The following EPB41L4A variants were observed in gnomAD, a reference collection of about 807,000 sequenced individuals.
EPB41L4A encodes band 4.1-like protein 4A.
EPB41L4A carries 100 observed loss-of-function variants against 108.6 expected under a neutral mutation model. The ratio of observed to expected loss-of-function variants is 0.92; its 90% CI spans 0.78 to 1.09. The LOEUF is 1.09. Among genes scored for constraint, EPB41L4A ranks in the 50% least tolerant of loss-of-function variants. EPB41L4A has a pLI of 0.00. For missense variants in EPB41L4A, 1,030 were observed against 842.7 expected (o/e 1.22, Z -2.75); for synonymous variants, 319 against 289.0 (o/e 1.10, Z -1.05).
intron 12 of EPB41L4A, among the ~76,000 whole-genome samples, chr5:112,224,240 G>A (rs778712181): frequency 4.6e-5 from 7 of 152,132 alleles, no homozygotes; most frequent in Non-Finnish European, 1.0e-4. Context: ...GTAAGCCACC[G>A]CATCCAGCCT....
At chr5:112,245,081 C>G (rs1750108754) in intron 9 of EPB41L4A, among the ~76,000 whole-genome samples, 1 of 150,066 alleles carries the variant, frequency 6.7e-6, no homozygotes, top group East Asian at 1.9e-4. Flanking sequence ...AACACAGTAT[C>G]TGCAAAGCAC....
chr5:112,201,556 T>C (rs1232309369), intron 15 of EPB41L4A, among the ~76,000 whole-genome samples: 4 of 152,202 alleles, frequency 2.6e-5, no homozygotes, highest in Non-Finnish European at 5.9e-5. Context: ...TGTGTAATTA[T>C]TTTATATAGG....
chr5:112,166,263 T>A (rs1210117825), intron 22 of EPB41L4A, among the ~76,000 whole-genome samples: 1 of 152,220 alleles, frequency 6.6e-6, no homozygotes, highest in Admixed American at 6.5e-5. Context: ...AGTTGTACCT[T>A]AAAAATGTAC....
At chr5:112,213,839 C>T (rs551243846) in intron 12 of EPB41L4A, among the ~76,000 whole-genome samples, 1 of 152,336 alleles carries the variant, frequency 6.6e-6, no homozygotes, top group South Asian at 2.1e-4. Context: ...ATAATAGTCA[C>T]ATGCCTTCAT....
intron 4 of EPB41L4A, among the ~76,000 whole-genome samples, chr5:112,266,901 T>C (rs546477470): frequency 6.6e-6 from 1 of 152,362 alleles, no homozygotes; most frequent in African/African-American, 2.4e-5. Flanking sequence ...GTAATTTATG[T>C]ATAACAACTT....
At chr5:112,408,453 T>C (rs1762211788) in intron 1 of EPB41L4A, among the ~76,000 whole-genome samples, 1 of 151,926 alleles carries the variant, frequency 6.6e-6, no homozygotes, top group African/African-American at 2.4e-5. Flanking sequence ...AAATTAAACA[T>C]CTGATAAGGA....
At chr5:112,329,357 C>G (rs371873850) in intron 1 of EPB41L4A, among the ~76,000 whole-genome samples, 15 of 152,010 alleles carry the variant, frequency 9.9e-5, no homozygotes, top group African/African-American at 3.1e-4. Context: ...TTTTTCTTAC[C>G]AAAGGAACAC....
intron 18 of EPB41L4A, 151 bp from the exon 19 acceptor site, chr5:112,171,143 T>C (rs1200535873): frequency 5.9e-6 from 4 of 673,912 alleles, no homozygotes; most frequent in Non-Finnish European, 1.0e-5. Flanking sequence ...ATTGTGATGG[T>C]TAGTATAAAG....
chr5:112,254,313 C>G (rs1199498376), intron 9 of EPB41L4A, among the ~76,000 whole-genome samples: 1 of 152,158 alleles, frequency 6.6e-6, no homozygotes, highest in Non-Finnish European at 1.5e-5. Context: ...AACAATTTAA[C>G]CTCCTAAATG....
chr5:112,221,544 G>C lies in EPB41L4A; in HGVS notation c.1088-11562C>G, dbSNP rs996158488. ...TATAGTGCACAGCTGGATTAAATTAGACAATTTATATAAAGCCTTTAGCAC... is the reference window on the plus strand; with the variant it reads ...TATAGTGCACAGCTGGATTAAATTACACAATTTATATAAAGCCTTTAGCAC... On this transcript the variant is annotated intron_variant, in intron 12 of 22. Transcript: ENST00000261486. Among the ~76,000 whole-genome samples, 8 of 152,308 alleles carry C rather than the reference G, an allele frequency of 5.3e-5. No homozygotes were observed. In the East Asian group the frequency reaches 1.5e-3, roughly 29 times the overall value.
At chr5:112,413,530 G>C (rs1762530369) in intron 1 of EPB41L4A, among the ~76,000 whole-genome samples, 1 of 152,096 alleles carries the variant, frequency 6.6e-6, no homozygotes, top group African/African-American at 2.4e-5. Context: ...CTGACTCCTG[G>C]GGATCACAGG....
chr5:112,254,725 C>T (rs1309793238), intron 9 of EPB41L4A, among the ~76,000 whole-genome samples: 1 of 152,128 alleles, frequency 6.6e-6, no homozygotes, highest in Non-Finnish European at 1.5e-5. Flanking sequence ...TGGACCAATT[C>T]TCATGATGCT....
intron 1 of EPB41L4A, among the ~76,000 whole-genome samples, chr5:112,351,082 A>C (rs1758012702): frequency 6.6e-6 from 1 of 152,244 alleles, no homozygotes; most frequent in Admixed American, 6.5e-5. Flanking sequence ...GGAACTAGAA[A>C]AACAAGAACA....
Position 112,369,941 on chromosome 5 carries a change from C to T in EPB41L4A, c.99+49000G>A, listed in dbSNP as rs1343244279. ...AGGTGTAGGTCTGAAGAACTGTTTC[C>T]ACCTTTATGGAAATCCTCTGCTCCC... On this transcript the variant is annotated intron_variant, in intron 1 of 22. Transcript: ENST00000261486. Among the ~76,000 whole-genome samples, 4 of 151,368 alleles carry T rather than the reference C, an allele frequency of 2.6e-5. No homozygotes were observed. The East Asian group carries it at 7.7e-4, about 29-fold the overall frequency.
chr5:112,212,028 G>A (rs1762768839), intron 12 of EPB41L4A, among the ~76,000 whole-genome samples: 1 of 152,156 alleles, frequency 6.6e-6, no homozygotes, highest in Admixed American at 6.5e-5. Context: ...TGTGATAAAT[G>A]GAACACAACC....
At chr5:112,175,307 A>C (rs905447843) in intron 18 of EPB41L4A, 1 of 152,250 alleles carries the variant, frequency 6.6e-6, no homozygotes, top group African/African-American at 2.4e-5. Flanking sequence ...GGTTCAACAA[A>C]GCTTTTTTCC....
intron 1 of EPB41L4A, among the ~76,000 whole-genome samples, chr5:112,315,945 T>C (rs549496139): frequency 6.6e-6 from 1 of 152,308 alleles, no homozygotes; most frequent in East Asian, 1.9e-4. Context: ...ACTTTTAAAA[T>C]GAGAGTAAAT....
chr5:112,336,434 C>T (rs982937486), intron 1 of EPB41L4A, among the ~76,000 whole-genome samples: 4 of 152,124 alleles, frequency 2.6e-5, no homozygotes, highest in Admixed American at 2.6e-4. Flanking sequence ...TTCCTGTGTT[C>T]CAGAAGGCAG....
chr5:112,339,524 ATATC>A (rs1161047112), intron 1 of EPB41L4A, among the ~76,000 whole-genome samples: 17 of 58,100 alleles, frequency 2.9e-4, no homozygotes, highest in Non-Finnish European at 5.1e-4. Flanking sequence ...ATATAGATAT[ATATC>A]TATATATATA....
Sources: gnomAD v4.1 joint callset for allele counts (sites outside exome capture counted in the v4.1 genomes callset) on GRCh38, gnomAD v4.1.1 for gene constraint, MANE v1.5 for transcripts, NCBI Gene and HGNC (gene_info 2026-07-23, HGNC 2026-07-21) for gene names.